Variants in XKR6 observed in about 807,000 individuals in gnomAD.
XKR6 encodes XK-related protein 6.
In XKR6, 22 loss-of-function variants were observed where a neutral mutation model predicts 56.7. That is an observed-to-expected ratio of 0.39 (90% confidence interval 0.28 to 0.55). XKR6 has a LOEUF of 0.55. Among genes scored for constraint, XKR6 ranks in the 20% least tolerant of loss-of-function variants. The pLI is 0.66. For synonymous variants in XKR6, 524 were observed against 387.8 expected (o/e 1.35, Z -4.13); for missense variants, 852 against 889.0 (o/e 0.96, Z 0.53).
intron 1 of XKR6, among the ~76,000 whole-genome samples, chr8:11,019,388 C>T (rs1450818716): frequency 6.6e-6 from 1 of 152,230 alleles, no homozygotes; most frequent in Non-Finnish European, 1.5e-5. Flanking sequence ...GGGAGCTGAA[C>T]CCTTCGCCTC....
At chr8:11,134,100 T>G (rs1800258489) in intron 1 of XKR6, among the ~76,000 whole-genome samples, 2 of 152,172 alleles carry the variant, frequency 1.3e-5, no homozygotes, top group African/African-American at 4.8e-5. Context: ...CCCTGGTTCC[T>G]GGTTCATTTG....
intron 1 of XKR6, among the ~76,000 whole-genome samples, chr8:11,039,093 C>T (rs1799219849): frequency 6.6e-6 from 1 of 152,108 alleles, no homozygotes; most frequent in Non-Finnish European, 1.5e-5. Flanking sequence ...CCTCAGGGGA[C>T]TTTGGCAGGA....
intron 1 of XKR6, among the ~76,000 whole-genome samples, chr8:10,943,383 T>G (rs1278038677): frequency 4.6e-5 from 7 of 152,026 alleles, no homozygotes; most frequent in Admixed American, 2.6e-4. Context: ...TGGATTTCAG[T>G]CTCCCATGGT....
chr8:10,954,723 G>A (rs1801822191), intron 1 of XKR6, among the ~76,000 whole-genome samples: 1 of 152,040 alleles, frequency 6.6e-6, no homozygotes, highest in African/African-American at 2.4e-5. Flanking sequence ...ATCTAGGAAG[G>A]CTTTGCCTAA....
At chr8:10,903,909 G>T (rs780147774) in intron 2 of XKR6, among the ~76,000 whole-genome samples, 4 of 152,162 alleles carry the variant, frequency 2.6e-5, no homozygotes, top group Admixed American at 6.5e-5. Context: ...GTGAGTACAG[G>T]TTCTTCCTTC....
intron 1 of XKR6, among the ~76,000 whole-genome samples, chr8:11,135,980 C>T (rs1449929007): frequency 6.6e-6 from 1 of 151,972 alleles, no homozygotes; most frequent in Non-Finnish European, 1.5e-5. Flanking sequence ...TCAAAGTTAC[C>T]AGTGTTTCAA....
intron 1 of XKR6, among the ~76,000 whole-genome samples, chr8:10,997,334 C>A (rs768162613): frequency 6.6e-6 from 1 of 152,138 alleles, no homozygotes; most frequent in Non-Finnish European, 1.5e-5. Context: ...CTTGAGGTGA[C>A]CACTGTTACT....
chr8:10,908,990 C>A (rs1353171231), intron 2 of XKR6, among the ~76,000 whole-genome samples: 1 of 152,186 alleles, frequency 6.6e-6, no homozygotes, highest in African/African-American at 2.4e-5. Flanking sequence ...CATGGCGAAA[C>A]CGCATCTCTA....
intron 1 of XKR6, among the ~76,000 whole-genome samples, chr8:10,932,506 T>C (rs1801083135): frequency 1.4e-5 from 2 of 146,746 alleles, no homozygotes; most frequent in Admixed American, 6.7e-5. Context: ...ACATGTGCCA[T>C]GCCGGTGCGC....
intron 2 of XKR6, among the ~76,000 whole-genome samples, chr8:10,918,880 C>T (rs1205864848): frequency 6.6e-6 from 1 of 152,176 alleles, no homozygotes; most frequent in African/African-American, 2.4e-5. Flanking sequence ...CTGTCCATTG[C>T]ATCCTTCCCC....
intron 1 of XKR6, among the ~76,000 whole-genome samples, chr8:11,167,499 C>A (rs1802139000): frequency 6.6e-6 from 1 of 152,182 alleles, no homozygotes. Flanking sequence ...ACAATCCAGA[C>A]ACCTGGGGTC....
intron 1 of XKR6, among the ~76,000 whole-genome samples, chr8:11,141,019 T>C (rs1442120009): frequency 1.3e-5 from 2 of 152,114 alleles, no homozygotes; most frequent in Non-Finnish European, 2.9e-5. Flanking sequence ...ACACAGTTAC[T>C]TGCAGAATCA....
chr8:11,106,392 G>A (rs11991271), intron 1 of XKR6: 15,241 of 152,176 alleles, frequency 0.1, 2,458 homozygotes, highest in African/African-American at 0.34. Context: ...GGCCGGTATC[G>A]GGTCTTCCCA....
chr8:10,912,803 G>C (rs1416463260), intron 2 of XKR6, among the ~76,000 whole-genome samples: 1 of 146,310 alleles, frequency 6.8e-6, no homozygotes, highest in Admixed American at 6.9e-5. Flanking sequence ...TATATATAGA[G>C]AGAGAGGCGA....
intron 1 of XKR6, among the ~76,000 whole-genome samples, chr8:10,960,010 G>C (rs181727347): frequency 1.9e-4 from 26 of 136,148 alleles, no homozygotes; most frequent in Admixed American, 2.8e-4. Context: ...TGAAGGTCAG[G>C]GGGGGGCCTC....
intron 2 of XKR6, among the ~76,000 whole-genome samples, chr8:10,912,803 G>T (rs1416463260): frequency 2.0e-5 from 3 of 146,368 alleles, no homozygotes; most frequent in East Asian, 2.0e-4. Context: ...TATATATAGA[G>T]AGAGAGGCGA....
intron 1 of XKR6, among the ~76,000 whole-genome samples, chr8:11,164,612 C>T (rs1014249414): frequency 6.6e-6 from 1 of 152,204 alleles, no homozygotes; most frequent in African/African-American, 2.4e-5. Flanking sequence ...GGCCAAAACA[C>T]AATCAATAAA....
chr8:10,919,897 G>A (rs777182202), intron 2 of XKR6, among the ~76,000 whole-genome samples: 22 of 152,196 alleles, frequency 1.4e-4, no homozygotes, highest in African/African-American at 1.9e-4. Flanking sequence ...GGAAGACCCT[G>A]CAGAAATGTC....
intron 1 of XKR6, among the ~76,000 whole-genome samples, chr8:10,950,297 C>A (rs1053556323): frequency 6.6e-6 from 1 of 152,202 alleles, no homozygotes; most frequent in Non-Finnish European, 1.5e-5. Flanking sequence ...CTGCTGAAGC[C>A]AGTGTGGTGC....
Sources: allele counts gnomAD v4.1 joint callset (sites outside exome capture counted in the v4.1 genomes callset), GRCh38; gene constraint gnomAD v4.1.1; transcripts MANE v1.5; gene names NCBI Gene and HGNC (gene_info 2026-07-23, HGNC 2026-07-21).